The following LTBP1 variants were observed in gnomAD, a reference collection of about 807,000 sequenced individuals.
LTBP1 encodes the protein latent transforming growth factor beta binding protein 1.
In LTBP1, 129 loss-of-function variants were observed where a neutral mutation model predicts 207.6. The observed-to-expected ratio is 0.62, with a 90% CI of 0.54 to 0.72. The LOEUF is 0.72. LTBP1 is among the 30% of genes least tolerant of loss of function. LTBP1 has a pLI of 0.00. For synonymous variants in LTBP1, 963 were observed against 833.7 expected, an observed-to-expected ratio of 1.16 and a Z score of -2.67; for missense variants, 2,281 against 2,217.2, an observed-to-expected ratio of 1.03 and a Z score of -0.58.
chr2:33,197,309 G>A (rs979013202), intron 7 of LTBP1, among the ~76,000 whole-genome samples: 19 of 152,178 alleles, frequency 1.2e-4, no homozygotes, highest in Admixed American at 1.2e-3. Flanking sequence ...TGTGCTACCT[G>A]GAGTAAGTTG....
intron 4 of LTBP1, among the ~76,000 whole-genome samples, chr2:33,115,312 C>G (rs551770296): frequency 1.3e-5 from 2 of 151,824 alleles, no homozygotes; most frequent in African/African-American, 2.4e-5. Flanking sequence ...TCCACAGACA[C>G]GGAAAGAAGA....
At chr2:33,318,583 T>A (rs2094306919) in intron 24 of LTBP1, among the ~76,000 whole-genome samples, 4 of 152,172 alleles carry the variant, frequency 2.6e-5, no homozygotes, top group Admixed American at 2.6e-4. Flanking sequence ...ATACACAGGA[T>A]ATTTTTTTCA....
At chr2:33,205,989 A>G (rs1000693580) in intron 7 of LTBP1, among the ~76,000 whole-genome samples, 1 of 152,120 alleles carries the variant, frequency 6.6e-6, no homozygotes, top group African/African-American at 2.4e-5. Flanking sequence ...TTGGGTTTCC[A>G]GCCTCCAGAA....
At chr2:33,347,733 A>T (rs1459776068) in intron 26 of LTBP1, among the ~76,000 whole-genome samples, 1 of 152,202 alleles carries the variant, frequency 6.6e-6, no homozygotes, top group Non-Finnish European at 1.5e-5. Context: ...GTTCTATCCA[A>T]ACCAGAGATG....
chr2:33,051,035 GGTTTCCTCA>G (rs1317506605), intron 3 of LTBP1, among the ~76,000 whole-genome samples: 3 of 152,118 alleles, frequency 2.0e-5, no homozygotes, highest in Non-Finnish European at 4.4e-5. Context: ...AAACTCTTGA[GGTTTCCTCA>G]GCCAGAAAAT....
chr2:33,261,145 A>G (rs1209909103), intron 13 of LTBP1, among the ~76,000 whole-genome samples: 4 of 152,208 alleles, frequency 2.6e-5, no homozygotes, highest in Non-Finnish European at 5.9e-5. Flanking sequence ...CCAAACTGCC[A>G]TTGTAATCAG....
intron 31 of LTBP1, among the ~76,000 whole-genome samples, chr2:33,370,387 C>T (rs2095052489): frequency 6.6e-6 from 1 of 152,124 alleles, no homozygotes; most frequent in Non-Finnish European, 1.5e-5. Context: ...TGTCAGTTAC[C>T]TGGGGGAGCT....
chr2:33,086,951 G>A (rs1227476346), intron 3 of LTBP1, among the ~76,000 whole-genome samples: 10 of 151,852 alleles, frequency 6.6e-5, no homozygotes, highest in Non-Finnish European at 1.3e-4. Flanking sequence ...TTTAGCTTCC[G>A]TGGTTATAAA....
intron 2 of LTBP1, among the ~76,000 whole-genome samples, chr2:32,965,549 AGAATG>A (rs1679852761): frequency 6.6e-6 from 1 of 152,218 alleles, no homozygotes; most frequent in Non-Finnish European, 1.5e-5. Flanking sequence ...TGCCTCTTCC[AGAATG>A]ACAAATAGTT....
chr2:33,203,319 T>C (rs975364626), intron 7 of LTBP1, among the ~76,000 whole-genome samples: 1 of 152,208 alleles, frequency 6.6e-6, no homozygotes, highest in African/African-American at 2.4e-5. Flanking sequence ...AATCACCGCA[T>C]GTGAGAGAGA....
At chr2:33,132,875 T>C (rs1373209027) in intron 4 of LTBP1, among the ~76,000 whole-genome samples, 2 of 152,218 alleles carry the variant, frequency 1.3e-5, no homozygotes, top group African/African-American at 4.8e-5. Flanking sequence ...AGATAACTTA[T>C]TTGAAGGGCT....
Position 33,252,772 on chromosome 2 carries a change from A to C in LTBP1, c.2095A>C (p.Lys699Gln). The part of the protein sequence containing the change: ...CMHPLSVHLT[K>Q]QLCCCSVGKA... Reference sequence around the variant, plus strand: ...GCACCCTCTGTCTGTTCACCTCACCAAGCAGCTCTGCTGTTGTAGTGTGGG... The same window carrying C: ...GCACCCTCTGTCTGTTCACCTCACCCAGCAGCTCTGCTGTTGTAGTGTGGG... The change falls in exon 11 of 34, where the codon AAG (lysine) becomes CAG (glutamine). Residue 699 changes from lysine to glutamine, a missense_variant. By Grantham distance (53) the Lys-to-Gln change is moderately conservative (BLOSUM62 1). This residue lies in a region of LTBP1 where 1,671 missense variants were observed against 1,634.8 expected (regional missense o/e 1.02). Transcript: ENST00000404816. The C allele has an allele frequency of 6.2e-7, 1 of 1,614,034 alleles. No homozygotes were observed. The highest frequency in any genetic ancestry group is 8.5e-7 in the Non-Finnish European group (1 of 1,179,952).
At position 33,202,329 on chromosome 2, in the gene LTBP1, G is replaced by T. The variant is rs115356938; in HGVS notation, c.1701+13478G>T. Among the ~76,000 whole-genome samples the T allele has an allele frequency of 1.1e-3, 174 of 152,302 alleles. No individual in the cohort carries two copies. In the Middle Eastern group the frequency reaches 0.014, roughly 12 times the overall value. ...TGTGATGCCTGCCAACTCCACATGGGAGAAAAAGATGGGTAGATGGTTGGG... is the reference window on the plus strand; with the variant it reads ...TGTGATGCCTGCCAACTCCACATGGTAGAAAAAGATGGGTAGATGGTTGGG... On this transcript the variant is annotated intron_variant, in intron 7 of 33. Transcript: ENST00000404816.
chr2:33,056,360 G>A (rs1026789826), intron 3 of LTBP1: 21 of 1,247,286 alleles, frequency 1.7e-5, no homozygotes, highest in African/African-American at 9.2e-5. Context: ...TGTGGCTTTC[G>A]GTTTTCTTTG....
chr2:33,125,375 C>G (rs919120466), intron 4 of LTBP1, among the ~76,000 whole-genome samples: 1 of 152,124 alleles, frequency 6.6e-6, no homozygotes, highest in Non-Finnish European at 1.5e-5. Flanking sequence ...GCACTCAGTC[C>G]TTGTCTCTCG....
At chr2:33,336,353 C>G (rs1205634494) in intron 24 of LTBP1, among the ~76,000 whole-genome samples, 2 of 152,194 alleles carry the variant, frequency 1.3e-5, no homozygotes, top group African/African-American at 4.8e-5. Context: ...GAACCACAGA[C>G]AGATTCAGAG....
intron 5 of LTBP1, among the ~76,000 whole-genome samples, chr2:33,166,836 G>A (rs1356350680): frequency 6.6e-6 from 1 of 152,140 alleles, no homozygotes; most frequent in Admixed American, 6.5e-5. Context: ...TGAATCACGT[G>A]GCCCTGAATA....
In LTBP1 at chr2:33,259,742, A is replaced by G. The variant is rs933106435; in HGVS notation, c.2418+132A>G. ...TGCATCATTTGGTTTGAGTTAATAT[A>G]GCATTCAGTTATTCCAAAAAAATTT... On this transcript the variant is annotated intron_variant, in intron 13 of 33. Transcript: ENST00000404816. 5.3e-6 allele frequency: 4 copies of G among 749,246 alleles called. No homozygotes were observed. In the East Asian group the frequency reaches 8.6e-5, roughly 16 times the overall value. The allele number at this position is 749,246 out of a possible 1,614,324, so 46.4% of individuals were successfully genotyped here. A position where few individuals can be genotyped will look rare whatever the true frequency, so the allele number is the denominator to read the frequency against.
intron 13 of LTBP1, among the ~76,000 whole-genome samples, chr2:33,260,090 C>T (rs2092969804): frequency 6.6e-6 from 1 of 152,156 alleles, no homozygotes; most frequent in Admixed American, 6.5e-5. Flanking sequence ...TTAAAAGTTA[C>T]AATCAAATAC....
Sources: gnomAD v4.1 joint callset for allele counts (sites outside exome capture counted in the v4.1 genomes callset) on GRCh38, gnomAD v4.1.1 for gene constraint, gnomAD v4.1.1 regional missense constraint, MANE v1.5 for transcripts, NCBI Gene and HGNC (gene_info 2026-07-23, HGNC 2026-07-21) for gene names.